The following PDE3A variants were observed in gnomAD, a reference collection of about 807,000 sequenced individuals.
PDE3A encodes the protein phosphodiesterase 3A.
A neutral mutation model predicts 98.3 loss-of-function variants in PDE3A; 43 were observed. The ratio of observed to expected loss-of-function variants is 0.44; its 90% CI spans 0.34 to 0.56. The LOEUF is 0.56. PDE3A is among the 20% of genes least tolerant of loss of function. The probability of loss-of-function intolerance (pLI) is 0.01; values close to 1 mark genes in which losing one functional copy is unlikely to be tolerated. For missense variants in PDE3A, 1,427 were observed against 1,440.7 expected (o/e 0.99, Z 0.15); for synonymous variants, 663 against 567.9 (o/e 1.17, Z -2.38).
chr12:20,516,426 A>G (rs1374635586), intron 1 of PDE3A, among the ~76,000 whole-genome samples: 1 of 152,180 alleles, frequency 6.6e-6, no homozygotes, highest in Non-Finnish European at 1.5e-5. Context: ...ACAATCCTGT[A>G]ATTTACACGA....
In PDE3A at chr12:20,680,734, A is replaced by T. The variant is rs563751198; in HGVS notation, c.*463A>T. 10 of 154,610 alleles carry T rather than the reference A, an allele frequency of 6.5e-5. No individual in the cohort carries two copies. In the South Asian group the frequency reaches 2.0e-3, roughly 31 times the overall value. 9.6% of individuals were successfully genotyped at this position (154,610 alleles called of 1,614,324 possible). On this transcript the variant is annotated 3_prime_UTR_variant, in exon 16 of 16. Transcript: ENST00000359062. ...GGCTTAGCAAGGAAACAGTGCAGGAAATGTAGGTTACCAACTAAGCAGCTT... is the reference window on the plus strand; with the variant it reads ...GGCTTAGCAAGGAAACAGTGCAGGATATGTAGGTTACCAACTAAGCAGCTT...
At chr12:20,444,211 A>G (rs1424395169) in intron 1 of PDE3A, among the ~76,000 whole-genome samples, 2 of 152,162 alleles carry the variant, frequency 1.3e-5, no homozygotes, top group Non-Finnish European at 2.9e-5. Context: ...GAGTACCTGT[A>G]GCTGAGTTTT....
intron 2 of PDE3A, among the ~76,000 whole-genome samples, chr12:20,576,020 C>A (rs1358949524): frequency 6.6e-6 from 1 of 151,786 alleles, no homozygotes. Context: ...TTTGTGGGCG[C>A]ATAGTAAGTG....
intron 4 of PDE3A, among the ~76,000 whole-genome samples, chr12:20,620,508 A>G (rs1202148797): frequency 1.3e-5 from 2 of 152,112 alleles, no homozygotes; most frequent in African/African-American, 2.4e-5. Context: ...TAAGCAACAC[A>G]TGCAGAGAAA....
chr12:20,626,502 T>C (rs1039086538), intron 5 of PDE3A, among the ~76,000 whole-genome samples: 60 of 152,228 alleles, frequency 3.9e-4, no homozygotes, highest in African/African-American at 1.4e-3. Context: ...TATTTATTTA[T>C]GTATTTTTTG....
chr12:20,458,823 G>T (rs1945197580), intron 1 of PDE3A, among the ~76,000 whole-genome samples: 1 of 151,996 alleles, frequency 6.6e-6, no homozygotes, highest in African/African-American at 2.4e-5. Flanking sequence ...TTTTTGCATG[G>T]ATACAGCCTT....
chr12:20,479,600 T>A (rs78852260), intron 1 of PDE3A, among the ~76,000 whole-genome samples: 345 of 152,340 alleles, frequency 2.3e-3, no homozygotes, highest in African/African-American at 8.1e-3. Flanking sequence ...TTTTGGTTGT[T>A]CATCCTATAT....
intron 1 of PDE3A, among the ~76,000 whole-genome samples, chr12:20,465,542 C>T (rs899539707): frequency 2.0e-5 from 3 of 151,912 alleles, no homozygotes; most frequent in Non-Finnish European, 4.4e-5. Context: ...TCCCGAGTAG[C>T]GGGACTACAG....
chr12:20,518,423 A>G (rs1471804867), intron 1 of PDE3A, among the ~76,000 whole-genome samples: 1 of 152,224 alleles, frequency 6.6e-6, no homozygotes, highest in Non-Finnish European at 1.5e-5. Flanking sequence ...AAAAAGATTC[A>G]TTTGGGAGAA....
chr12:20,675,409 A>G (rs1342756842), intron 15 of PDE3A, among the ~76,000 whole-genome samples: 1 of 152,198 alleles, frequency 6.6e-6, no homozygotes, highest in Non-Finnish European at 1.5e-5. Flanking sequence ...TGTTCTGTAA[A>G]TATCTGTGAA....
chr12:20,502,001 G>A (rs973335970), intron 1 of PDE3A, among the ~76,000 whole-genome samples: 1 of 152,104 alleles, frequency 6.6e-6, no homozygotes, highest in African/African-American at 2.4e-5. Flanking sequence ...AAGCACTGGG[G>A]AATACGGATA....
chr12:20,489,516 G>A (rs1183254762), intron 1 of PDE3A, among the ~76,000 whole-genome samples: 1 of 152,130 alleles, frequency 6.6e-6, no homozygotes, highest in African/African-American at 2.4e-5. Context: ...TTTGTCCTAT[G>A]TATATTCTAT....
At chr12:20,579,488 A>G (rs1943016091) in intron 2 of PDE3A, among the ~76,000 whole-genome samples, 2 of 152,090 alleles carry the variant, frequency 1.3e-5, no homozygotes, top group African/African-American at 4.8e-5. Context: ...GTAACCAATA[A>G]ATGATACTTA....
At chr12:20,673,309 A>G (rs1310295356) in intron 15 of PDE3A, among the ~76,000 whole-genome samples, 3 of 150,460 alleles carry the variant, frequency 2.0e-5, no homozygotes, top group African/African-American at 4.9e-5. Context: ...TCAGGGATCT[A>G]GAACTGGAAA....
At chr12:20,543,401 T>A (rs1404626945) in intron 1 of PDE3A, among the ~76,000 whole-genome samples, 6 of 152,012 alleles carry the variant, frequency 3.9e-5, no homozygotes, top group Non-Finnish European at 7.4e-5. Flanking sequence ...GCTGATCTTT[T>A]CAAACGTTTG....
chr12:20,512,725 A>G (rs1481849252), intron 1 of PDE3A, among the ~76,000 whole-genome samples: 1 of 152,142 alleles, frequency 6.6e-6, no homozygotes, highest in East Asian at 1.9e-4. Flanking sequence ...GAGGCACCTG[A>G]GTACTGCTTC....
chr12:20,598,351 T>A (rs1217839863), intron 2 of PDE3A, among the ~76,000 whole-genome samples: 1 of 151,886 alleles, frequency 6.6e-6, no homozygotes, highest in East Asian at 1.9e-4. Context: ...CCCGGCTAAT[T>A]TTTTGTATTT....
intron 8 of PDE3A, among the ~76,000 whole-genome samples, chr12:20,636,546 T>C (rs557631964): frequency 5.6e-4 from 85 of 152,200 alleles, no homozygotes; most frequent in African/African-American, 1.9e-3. Context: ...TAAATTAAAA[T>C]CCCTAAAAAA....
At chr12:20,550,924 C>T (rs1942182305) in intron 1 of PDE3A, among the ~76,000 whole-genome samples, 2 of 151,256 alleles carry the variant, frequency 1.3e-5, no homozygotes, top group African/African-American at 2.4e-5. Context: ...ATTATAGTTA[C>T]TGGATTTTTA....
Sources: gnomAD v4.1 joint callset for allele counts (sites outside exome capture counted in the v4.1 genomes callset) on GRCh38, gnomAD v4.1.1 for gene constraint, MANE v1.5 for transcripts, NCBI Gene and HGNC (gene_info 2026-07-23, HGNC 2026-07-21) for gene names.